The following PUDP variants were observed in gnomAD, a reference collection of about 807,000 sequenced individuals.
The protein encoded by PUDP is pseudouridine-5'-phosphatase.
A neutral mutation model predicts 9.4 loss-of-function variants in PUDP; 8 were observed. The observed-to-expected ratio is 0.85, with a 90% CI of 0.50 to 1.53. PUDP has a LOEUF of 1.53. PUDP is among the 40% of genes most tolerant of loss of function. The pLI is 0.00. For synonymous variants in PUDP, 99 were observed against 80.7 expected, an observed-to-expected ratio of 1.23 and a Z score of -1.22; for missense variants, 188 against 189.7, an observed-to-expected ratio of 0.99 and a Z score of 0.05.
chrX:6,825,241 C>A (rs1270380265), intron 3 of PUDP, among the ~76,000 whole-genome samples: 1 of 111,759 alleles, frequency 8.9e-6, no homozygotes, highest in Non-Finnish European at 1.9e-5. Flanking sequence ...TGGTTCAGAG[C>A]AGCACTAGGA....
At chrX:6,845,644 T>G (rs1264008469) in intron 3 of PUDP, among the ~76,000 whole-genome samples, 1 of 109,670 alleles carries the variant, frequency 9.1e-6, no homozygotes, top group African/African-American at 3.3e-5. Context: ...TGAAGGATTG[T>G]GTTCCCTTAA....
chrX:6,735,950 A>G (rs1376074397), intron 3 of PUDP, among the ~76,000 whole-genome samples: 1 of 109,015 alleles, frequency 9.2e-6, no homozygotes, highest in African/African-American at 3.3e-5. Context: ...GAGGTGGGAG[A>G]ATGACTTGAG....
At chrX:6,710,102 G>A (rs1292125100) in intron 1 of PUDP, among the ~76,000 whole-genome samples, 1 of 111,978 alleles carries the variant, frequency 8.9e-6, no homozygotes, top group Non-Finnish European at 1.9e-5. Context: ...CAGCCTGGGC[G>A]ATAGAGCAAG....
intron 2 of PUDP, among the ~76,000 whole-genome samples, chrX:7,080,661 C>T (rs1463631123): frequency 8.9e-6 from 1 of 112,247 alleles, no homozygotes; most frequent in African/African-American, 3.2e-5. Context: ...CATTAGTTTG[C>T]AACAACCACT....
chrX:6,971,072 A>C (rs1365149089), intron 3 of PUDP, among the ~76,000 whole-genome samples: 1 of 109,015 alleles, frequency 9.2e-6, no homozygotes, highest in African/African-American at 3.3e-5. Context: ...ACAAAAAAAC[A>C]AAAAAAAACA....
rs778936973 is a variant in PUDP at position 6,811,616 on chromosome X, G to A, written c.*248-105150C>T. On this transcript the variant is annotated intron_variant and NMD_transcript_variant, in intron 3 of 3. Transcript: ENST00000655425. Reference sequence around the variant, plus strand: ...AGGTGTGACAGGTGTGAGCCATCACGCCTGGCCTTTTTTTTTTTTAATTAT... The same window carrying A: ...AGGTGTGACAGGTGTGAGCCATCACACCTGGCCTTTTTTTTTTTTAATTAT... 5.6e-3 allele frequency among the ~76,000 whole-genome samples: 492 copies of A among 87,298 alleles called. 5 individuals carry two copies. The highest frequency in any genetic ancestry group is 0.023 in the African/African-American group (479 of 20,403). The allele number at this position is 87,298 out of a possible 115,157, so 75.8% of individuals were successfully genotyped here. A position where few individuals can be genotyped will look rare whatever the true frequency, so the allele number is the denominator to read the frequency against.
chrX:6,922,212 T>C (rs959697728), intron 3 of PUDP, among the ~76,000 whole-genome samples: 6 of 111,473 alleles, frequency 5.4e-5, no homozygotes, highest in Non-Finnish European at 9.4e-5. Context: ...ATAACTATAA[T>C]GAATAATAAC....
chrX:6,860,445 T>C (rs1355727592), intron 3 of PUDP, among the ~76,000 whole-genome samples: 1 of 106,857 alleles, frequency 9.4e-6, no homozygotes, highest in South Asian at 4.3e-4. Flanking sequence ...TCCAAGCCCA[T>C]GTTTTTCTGT....
intron 3 of PUDP, among the ~76,000 whole-genome samples, chrX:6,795,632 A>G (rs1324493729): frequency 9.0e-6 from 1 of 111,289 alleles, no homozygotes; most frequent in Non-Finnish European, 1.9e-5. Context: ...AAATAAGGAA[A>G]CCTACCATTT....
chrX:6,716,331 T>C (rs138925720), intron 1 of PUDP, among the ~76,000 whole-genome samples: 8 of 111,485 alleles, frequency 7.2e-5, no homozygotes, highest in African/African-American at 2.3e-4. Flanking sequence ...TTAATGCTGA[T>C]AAAAAGTGAA....
chrX:7,114,359 G>A (rs1475789329), intron 1 of PUDP, among the ~76,000 whole-genome samples: 1 of 111,279 alleles, frequency 9.0e-6, no homozygotes, highest in East Asian at 2.8e-4. Flanking sequence ...GGGATTACAG[G>A]TGTGAGCCAC....
intron 3 of PUDP, among the ~76,000 whole-genome samples, chrX:6,863,838 C>T (rs1927039893): frequency 8.9e-6 from 1 of 111,875 alleles, no homozygotes; most frequent in Admixed American, 9.5e-5. Context: ...TCTGATAACT[C>T]CTCTTGTTAA....
chrX:7,110,339 C>T lies in PUDP; in HGVS notation c.62-4501G>A, dbSNP rs112955724. Among the ~76,000 whole-genome samples, 429 of 112,093 alleles carry T rather than the reference C, an allele frequency of 3.8e-3. 2 individuals carry two copies. The highest frequency in any genetic ancestry group is 0.013 in the African/African-American group (414 of 30,828). On this transcript the variant is annotated intron_variant, in intron 1 of 3. Coordinates refer to ENST00000381077, the MANE Select transcript of PUDP (RefSeq NM_012080.5). ...TATCTTAAATGCTCACTAAGTCCGC[C>T]CCTGAGGCACAGTGGTTGATGTTTT...
intron 3 of PUDP, among the ~76,000 whole-genome samples, chrX:6,805,996 G>A (rs1926045207): frequency 9.0e-6 from 1 of 111,321 alleles, no homozygotes; most frequent in Non-Finnish European, 1.9e-5. Flanking sequence ...AATAATGGAA[G>A]CAGAAAGCCC....
At chrX:6,824,359 T>C (rs961837194) in intron 3 of PUDP, among the ~76,000 whole-genome samples, 1 of 111,828 alleles carries the variant, frequency 8.9e-6, no homozygotes, top group Admixed American at 9.5e-5. Flanking sequence ...CTTTATAAAT[T>C]ACCCAGTTTC....
chrX:6,890,329 T>C (rs1433446368), intron 3 of PUDP, among the ~76,000 whole-genome samples: 1 of 112,076 alleles, frequency 8.9e-6, no homozygotes, highest in African/African-American at 3.2e-5. Flanking sequence ...AAGTAACCTA[T>C]AACTAAACTC....
At chrX:7,012,477 G>A (rs1251464531) in intron 1 of PUDP, among the ~76,000 whole-genome samples, 2 of 111,744 alleles carry the variant, frequency 1.8e-5, no homozygotes, top group African/African-American at 6.5e-5. Context: ...AGTCACTGCC[G>A]CACGCTCAGA....
chrX:6,829,118 T>C (rs933523118), intron 3 of PUDP, among the ~76,000 whole-genome samples: 1 of 111,116 alleles, frequency 9.0e-6, no homozygotes, highest in African/African-American at 3.3e-5. Flanking sequence ...AACCAGGAAG[T>C]GCCCTCACCA....
At chrX:6,864,041 A>G (rs1927042878) in intron 3 of PUDP, among the ~76,000 whole-genome samples, 1 of 111,290 alleles carries the variant, frequency 9.0e-6, no homozygotes, top group Non-Finnish European at 1.9e-5. Context: ...AAGAGCCCAT[A>G]GCCACATGTA....
Sources: allele counts gnomAD v4.1 joint callset (sites outside exome capture counted in the v4.1 genomes callset), GRCh38; gene constraint gnomAD v4.1.1; transcripts MANE v1.5; gene names NCBI Gene and HGNC (gene_info 2026-07-23, HGNC 2026-07-21).